The following TTLL11 variants were observed in gnomAD, a reference collection of about 807,000 sequenced individuals.
The protein encoded by TTLL11 is tubulin tyrosine ligase like 11.
TTLL11 carries 42 observed loss-of-function variants against 51.7 expected under a neutral mutation model. That is an observed-to-expected ratio of 0.81 (90% CI 0.64 to 1.05). The LOEUF is 1.05. Among genes scored for constraint, TTLL11 ranks in the 50% least tolerant of loss-of-function variants. The pLI is 0.00. For synonymous variants in TTLL11, 381 were observed against 383.5 expected, an observed-to-expected ratio of 0.99 and a Z score of 0.08; for missense variants, 799 against 940.4, an observed-to-expected ratio of 0.85 and a Z score of 1.97.
intron 1 of TTLL11, among the ~76,000 whole-genome samples, chr9:122,050,381 A>T (rs1233153467): frequency 6.6e-6 from 1 of 152,214 alleles, no homozygotes; most frequent in Non-Finnish European, 1.5e-5. Context: ...ACCTTCCATG[A>T]TGCCTTCAGG....
In TTLL11 at chr9:122,093,005, G is replaced by C. The variant is rs1405053342; in HGVS notation, c.144C>G (p.Ala48=). The C allele has an allele frequency of 1.9e-6, 3 of 1,539,796 alleles. No individual in the cohort carries two copies. Among genetic ancestry groups the C allele is most frequent in the Non-Finnish European group, 2.6e-6 (3 of 1,152,054 alleles). ...CCCCTGCCTTGCACTCCGGTTCCCC[G>C]GCCGCGCCCGCGTCCACGCGGACCT... ...AEQVRVDAGA[A]GEPECKAGEE... The change falls in exon 1 of 9, where the codon GCC becomes GCG. Residue 48 remains alanine, a synonymous_variant. Transcript: ENST00000321582.
intron 7 of TTLL11, among the ~76,000 whole-genome samples, chr9:121,867,483 CCT>C (rs1178206175): frequency 6.6e-6 from 1 of 152,126 alleles, no homozygotes. Flanking sequence ...CAAATCTCCC[CCT>C]CTCTCGAATC....
At chr9:121,975,826 A>G (rs1842694273) in intron 4 of TTLL11, among the ~76,000 whole-genome samples, 1 of 152,156 alleles carries the variant, frequency 6.6e-6, no homozygotes, top group South Asian at 2.1e-4. Flanking sequence ...GGTGATTCAG[A>G]TACACCCTCT....
intron 1 of TTLL11, among the ~76,000 whole-genome samples, chr9:122,067,485 G>A (rs1217826798): frequency 6.6e-6 from 1 of 152,110 alleles, no homozygotes; most frequent in Non-Finnish European, 1.5e-5. Flanking sequence ...GGCACCATGA[G>A]AAGAGGATAC....
chr9:121,972,492 G>T (rs899741679), intron 6 of TTLL11, among the ~76,000 whole-genome samples: 2 of 152,214 alleles, frequency 1.3e-5, no homozygotes, highest in African/African-American at 4.8e-5. Context: ...CACCTGGTGG[G>T]ATTGGCCCAT....
intron 5 of TTLL11, among the ~76,000 whole-genome samples, chr9:121,974,531 C>T (rs1478037396): frequency 4.6e-5 from 7 of 151,904 alleles, no homozygotes; most frequent in African/African-American, 1.7e-4. Flanking sequence ...TATTATTTAT[C>T]TTAGTGATTC....
intron 8 of TTLL11, among the ~76,000 whole-genome samples, chr9:121,827,950 AG>A (rs1391780243): frequency 6.6e-6 from 1 of 152,090 alleles, no homozygotes; most frequent in African/African-American, 2.4e-5. Context: ...CCTTTTCCAG[AG>A]CCTCCACAAT....
At chr9:121,942,302 C>A (rs1841506211) in intron 6 of TTLL11, among the ~76,000 whole-genome samples, 1 of 152,214 alleles carries the variant, frequency 6.6e-6, no homozygotes, top group Non-Finnish European at 1.5e-5. Context: ...ACTCAGGTCT[C>A]AATTCCAATG....
chr9:121,862,846 T>G (rs1838054410), intron 7 of TTLL11, among the ~76,000 whole-genome samples: 1 of 152,216 alleles, frequency 6.6e-6, no homozygotes, highest in Admixed American at 6.5e-5. Context: ...CCATTTGCCA[T>G]TATCCCTTGT....
chr9:121,877,685 G>T (rs1838619741), intron 6 of TTLL11, among the ~76,000 whole-genome samples: 1 of 152,164 alleles, frequency 6.6e-6, no homozygotes. Context: ...CATACTATGT[G>T]CCAGGAACTG....
At chr9:121,893,402 G>T (rs539984235) in intron 6 of TTLL11, among the ~76,000 whole-genome samples, 9 of 152,066 alleles carry the variant, frequency 5.9e-5, no homozygotes, top group Middle Eastern at 3.4e-3. Flanking sequence ...ACATAGTTGT[G>T]ACCATGATTT....
At chr9:122,058,419 T>A (rs546101532) in intron 1 of TTLL11, among the ~76,000 whole-genome samples, 19 of 152,324 alleles carry the variant, frequency 1.2e-4, no homozygotes, top group Admixed American at 7.2e-4. Context: ...CATGTTCAGA[T>A]TTGGTCCTTC....
chr9:121,827,997 C>T (rs1836871793), intron 8 of TTLL11, among the ~76,000 whole-genome samples: 2 of 152,108 alleles, frequency 1.3e-5, no homozygotes, highest in Non-Finnish European at 2.9e-5. Context: ...GGGGCTTTCG[C>T]CTTCCTTATT....
At chr9:121,823,427 T>C (rs886581940) in intron 8 of TTLL11, among the ~76,000 whole-genome samples, 3 of 152,126 alleles carry the variant, frequency 2.0e-5, no homozygotes, top group African/African-American at 7.2e-5. Flanking sequence ...ATGCCTGTAA[T>C]CCCAGCTACT....
intron 6 of TTLL11, among the ~76,000 whole-genome samples, chr9:121,931,562 G>A (rs1267561284): frequency 1.5e-5 from 2 of 129,784 alleles, no homozygotes; most frequent in African/African-American, 5.7e-5. Context: ...GATCAACATG[G>A]TAAAACCCTG....
Position 121,825,851 on chromosome 9 carries a change from A to C in TTLL11, c.1841-2972T>G, listed in dbSNP as rs1294897038. On this transcript the variant is annotated intron_variant, in intron 8 of 8. Transcript: ENST00000321582. ...ATACAATGAGGGCCAATTTGGAAAAAAAAAAAAAGCACAGCAACATCATCT... is the reference window on the plus strand; with the variant it reads ...ATACAATGAGGGCCAATTTGGAAAACAAAAAAAAGCACAGCAACATCATCT... Among the ~76,000 whole-genome samples the C allele has an allele frequency of 1.3e-5, 2 of 151,950 alleles. 1 individual carries two copies. Among genetic ancestry groups the C allele is most frequent in the Non-Finnish European group, 2.9e-5 (2 of 67,990 alleles).
intron 4 of TTLL11, among the ~76,000 whole-genome samples, chr9:121,976,206 T>A (rs1262524128): frequency 1.3e-5 from 2 of 152,246 alleles, no homozygotes; most frequent in Non-Finnish European, 2.9e-5. Context: ...CAACACCGTC[T>A]GCTTCACGCC....
intron 6 of TTLL11, among the ~76,000 whole-genome samples, chr9:121,923,833 CT>C (rs1347759254): frequency 6.6e-6 from 1 of 152,120 alleles, no homozygotes; most frequent in Non-Finnish European, 1.5e-5. Flanking sequence ...ACTGCATTTG[CT>C]TTTGTGCTAG....
intron 8 of TTLL11, among the ~76,000 whole-genome samples, chr9:121,827,080 C>T (rs1018150491): frequency 2.0e-5 from 3 of 152,162 alleles, no homozygotes; most frequent in African/African-American, 4.8e-5. Flanking sequence ...GGTTTGGACC[C>T]ATAACAGTCT....
Sources: gnomAD v4.1 joint callset for allele counts (sites outside exome capture counted in the v4.1 genomes callset) on GRCh38, gnomAD v4.1.1 for gene constraint, MANE v1.5 for transcripts, NCBI Gene and HGNC (gene_info 2026-07-23, HGNC 2026-07-21) for gene names.